The following CFAP69 variants were observed in gnomAD, a reference collection of about 807,000 sequenced individuals.
CFAP69 encodes the protein cilia- and flagella-associated protein 69.
CFAP69 carries 92 observed loss-of-function variants against 123.0 expected under a neutral mutation model. The observed-to-expected ratio is 0.75, with a 90% CI of 0.63 to 0.89. The LOEUF (loss-of-function observed/expected upper bound fraction) is 0.89, where lower values mean the gene tolerates loss of function less well. CFAP69 is among the 40% of genes least tolerant of loss of function. The pLI, the probability that CFAP69 is intolerant of heterozygous loss-of-function variation, is 0.00. For synonymous variants in CFAP69, 380 were observed against 364.3 expected (o/e 1.04, Z -0.49); for missense variants, 1,067 against 1,096.9 (o/e 0.97, Z 0.39).
chr7:90,245,303 C>A lies in CFAP69; in HGVS notation c.-122C>A. The A allele has an allele frequency of 7.5e-7, 1 of 1,338,236 alleles. No homozygotes were observed. The highest frequency in any genetic ancestry group is 9.7e-7 in the Non-Finnish European group (1 of 1,031,628). 82.9% of individuals were successfully genotyped at this position (1,338,236 alleles called of 1,614,324 possible). A position where few individuals can be genotyped will look rare whatever the true frequency, so the allele number is the denominator to read the frequency against. On this transcript the variant is annotated 5_prime_UTR_variant, in exon 1 of 23. Transcript: ENST00000389297. The stretch of plus-strand genomic sequence containing the variant: ...CCTGGCGGAATTTTGGGACCTTTCG[C>A]GACTCTAGCGACTCTCAGGCTGCCT...
At chr7:90,254,216 A>G (rs1197896599) in intron 1 of CFAP69, among the ~76,000 whole-genome samples, 1 of 152,146 alleles carries the variant, frequency 6.6e-6, no homozygotes, top group Non-Finnish European at 1.5e-5. Context: ...TTATGCCAGT[A>G]CCATGCTGTG....
rs555648404 is a variant in CFAP69, at chr7:90,279,911, A to T, written c.1372+18A>T. 5.2e-6 allele frequency: 8 copies of T among 1,530,396 alleles called. No homozygotes were observed. The East Asian group carries it at 1.8e-4, about 35-fold the overall frequency. The allele number at this position is 1,530,396 out of a possible 1,614,324, so 94.8% of individuals were successfully genotyped here. A position where few individuals can be genotyped will look rare whatever the true frequency, so the allele number is the denominator to read the frequency against. On this transcript the variant is annotated intron_variant, in intron 12 of 22. Coordinates refer to ENST00000389297, the MANE Select transcript of CFAP69 (RefSeq NM_001039706.3). ...GAGTGAAGGTGAGTGGCCCTTCAAG[A>T]TTCTTGTCAAAATTCTAATCTTCAT...
chr7:90,309,527 A>T (rs1033483424), intron 22 of CFAP69, among the ~76,000 whole-genome samples, 160 bp downstream of exon 22: 15 of 152,146 alleles, frequency 9.9e-5, no homozygotes, highest in East Asian at 3.9e-4. Context: ...AAAAAATTTT[A>T]AATTTAAAAA....
chr7:90,255,414 G>GT lies in CFAP69; in HGVS notation c.121-3dup. On this transcript the variant is annotated splice_polypyrimidine_tract_variant and intron_variant, in intron 1 of 22. Coordinates refer to ENST00000389297, the MANE Select transcript of CFAP69 (RefSeq NM_001039706.3). ...TGATCTAGAATAGTAAGAGTTGTAT[G>GT]TTTTTTAGGATGTTTTCAAGCCTAT... 6.2e-7 allele frequency: 1 copy of GT among 1,608,760 alleles called. No individual in the cohort carries two copies. The highest frequency in any genetic ancestry group is 1.7e-5 in the Admixed American group (1 of 59,950).
intron 15 of CFAP69, among the ~76,000 whole-genome samples, chr7:90,295,586 C>T (rs928064930): frequency 6.6e-6 from 1 of 152,166 alleles, no homozygotes; most frequent in Admixed American, 6.6e-5. Context: ...ACTATTGTCC[C>T]TTCCATGGTT....
At chr7:90,261,352 C>T (rs144129846) in intron 3 of CFAP69, among the ~76,000 whole-genome samples, 1 of 151,780 alleles carries the variant, frequency 6.6e-6, no homozygotes, top group Non-Finnish European at 1.5e-5. Context: ...GGATTACAGG[C>T]GTGAGCCAGC....
At chr7:90,314,737 T>C (rs913201094), downstream of CFAP69, among the ~76,000 whole-genome samples, 10 of 151,924 alleles carry the variant, frequency 6.6e-5, no homozygotes. Context: ...ATTATTATTA[T>C]ACTTTAAGTT....
intron 3 of CFAP69, among the ~76,000 whole-genome samples, chr7:90,260,360 TA>T (rs1214538007): frequency 4.2e-4 from 61 of 144,850 alleles, no homozygotes; most frequent in Non-Finnish European, 3.7e-4. Context: ...ACCCCATCTC[TA>T]AAAAAAAAAA....
intron 9 of CFAP69, among the ~76,000 whole-genome samples, chr7:90,275,311 A>G (rs1384926662): frequency 1.3e-5 from 2 of 152,110 alleles, no homozygotes; most frequent in Non-Finnish European, 2.9e-5. Context: ...TTTTTGAGGT[A>G]TGGCAGCCCA....
chr7:90,302,539 T>C (rs1792964577), intron 17 of CFAP69: 1 of 152,232 alleles, frequency 6.6e-6, no homozygotes, highest in Admixed American at 6.5e-5. Flanking sequence ...TTTCTGCATA[T>C]GGCTGGCTAG....
intron 15 of CFAP69, among the ~76,000 whole-genome samples, chr7:90,290,983 G>A (rs758490408): frequency 2.9e-4 from 44 of 152,000 alleles, no homozygotes; most frequent in Non-Finnish European, 3.4e-4. Context: ...AGCCCCGGCA[G>A]CAGCTTTAAA....
Position 90,245,534 on chromosome 7 carries a change from A to G in CFAP69, c.110A>G (p.Asp37Gly). Residue 37 changes from aspartate (D) to glycine (G), a missense_variant, in exon 1 of 23, where the codon GAT becomes GGT. By Grantham distance (94) the Asp-to-Gly change is moderately conservative. Transcript: ENST00000389297. Reference sequence around the variant, plus strand: ...GTGGTTGGGGTGGTGACGGAGGACGATGAGGCGCAGGTATGAGCAGGTGTC... The same window carrying G: ...GTGGTTGGGGTGGTGACGGAGGACGGTGAGGCGCAGGTATGAGCAGGTGTC... The part of the protein sequence containing the change: ...IPVVGVVTED[D>G]EAQDVFKPMD... 1 of 1,508,574 alleles carries G rather than the reference A, an allele frequency of 6.6e-7. No homozygotes were observed. The highest frequency in any genetic ancestry group is 8.8e-7 in the Non-Finnish European group (1 of 1,130,896). 93.4% of individuals were successfully genotyped at this position (1,508,574 alleles called of 1,614,324 possible).
At chr7:90,248,586 T>C (rs1159553414) in intron 1 of CFAP69, among the ~76,000 whole-genome samples, 1 of 152,174 alleles carries the variant, frequency 6.6e-6, no homozygotes. Context: ...TATTAGTAAA[T>C]AGGGAAAACA....
In CFAP69 at chr7:90,262,015, T is replaced by C; in HGVS notation, c.315T>C (p.Pro105=). The C allele has an allele frequency of 1.2e-6, 2 of 1,604,636 alleles. No individual in the cohort carries two copies. The highest frequency in any genetic ancestry group is 2.2e-5 in the East Asian group (1 of 44,474). The change falls in exon 4 of 23, where the codon CCT becomes CCC. Residue 105 remains proline (P), a synonymous_variant. Transcript: ENST00000389297. ...NLCSGKIKNQ[P]RFIESAYDII... The stretch of plus-strand genomic sequence containing the variant: ...GTTCAGGAAAAATAAAAAACCAGCC[T>C]CGTTTTATAGAATCTGCATATGATA...
At chr7:90,292,663 T>A (rs1791364971) in intron 15 of CFAP69, among the ~76,000 whole-genome samples, 1 of 152,172 alleles carries the variant, frequency 6.6e-6, no homozygotes, top group African/African-American at 2.4e-5. Context: ...TACCCAATTG[T>A]TAAAAGCTGT....
chr7:90,282,435 G>A (rs982108800), intron 12 of CFAP69, among the ~76,000 whole-genome samples: 1 of 152,148 alleles, frequency 6.6e-6, no homozygotes, highest in African/African-American at 2.4e-5. Flanking sequence ...AAAATTCAAT[G>A]TGGATGTATC....
chr7:90,286,433 C>G (rs774388196), intron 14 of CFAP69, 34 bp downstream of exon 14: 1 of 1,601,592 alleles, frequency 6.2e-7, no homozygotes, highest in African/African-American at 1.3e-5. Flanking sequence ...GTTCAGGTCT[C>G]CCAGTCACCT....
chr7:90,248,737 C>T (rs1017682079), intron 1 of CFAP69, among the ~76,000 whole-genome samples: 1 of 152,058 alleles, frequency 6.6e-6, no homozygotes, highest in Non-Finnish European at 1.5e-5. Context: ...GTGATTCCAG[C>T]GTCTTCTTTT....
At chr7:90,290,855 C>T (rs1012911205) in intron 15 of CFAP69, among the ~76,000 whole-genome samples, 1 of 149,912 alleles carries the variant, frequency 6.7e-6, no homozygotes, top group Non-Finnish European at 1.5e-5. Context: ...AAAGGGGACA[C>T]AGGAAAGTGA....
Sources: gnomAD v4.1 joint callset for allele counts (sites outside exome capture counted in the v4.1 genomes callset) on GRCh38, gnomAD v4.1.1 for gene constraint, MANE v1.5 for transcripts, NCBI Gene and HGNC (gene_info 2026-07-23, HGNC 2026-07-21) for gene names.